Variants in DNA2 observed in about 807,000 individuals in gnomAD.
The protein encoded by DNA2 is DNA replication ATP-dependent helicase/nuclease DNA2.
Under a neutral mutation model 119.1 loss-of-function variants are expected in DNA2, and 101 were observed. The ratio of observed to expected loss-of-function variants is 0.85; its 90% CI spans 0.72 to 1.00. The LOEUF (loss-of-function observed/expected upper bound fraction) is 1.00, where lower values mean the gene tolerates loss of function less well. DNA2 is among the 50% of genes least tolerant of loss of function. The pLI, the probability that DNA2 is intolerant of heterozygous loss-of-function variation, is 0.00. For synonymous variants in DNA2, 366 were observed against 424.4 expected, an observed-to-expected ratio of 0.86 and a Z score of 1.69; for missense variants, 1,121 against 1,255.5, an observed-to-expected ratio of 0.89 and a Z score of 1.62.
chr10:68,445,454 A>C (rs2052026290), intron 7 of DNA2, among the ~76,000 whole-genome samples: 1 of 152,112 alleles, frequency 6.6e-6, no homozygotes, highest in Admixed American at 6.6e-5. Flanking sequence ...CAAGAGCGAA[A>C]CTCGGTCTCA....
chr10:68,467,589 C>T (rs1284704550), intron 3 of DNA2, among the ~76,000 whole-genome samples: 2 of 152,042 alleles, frequency 1.3e-5, no homozygotes, highest in South Asian at 4.1e-4. Flanking sequence ...CTTGCTCTGC[C>T]GCCCAGGCTA....
chr10:68,421,625 T>C (rs1465586488), intron 17 of DNA2, among the ~76,000 whole-genome samples: 1 of 150,642 alleles, frequency 6.6e-6, no homozygotes, highest in East Asian at 2.0e-4. Flanking sequence ...TGGTGGTGGG[T>C]GCCTGTAATC....
At chr10:68,422,487 C>T (rs370020989) in intron 16 of DNA2, 28 bp downstream of exon 16, 22 of 1,612,604 alleles carry the variant, frequency 1.4e-5, no homozygotes, top group Non-Finnish European at 1.9e-5. Context: ...ACATGAAAAC[C>T]ACTCCTAGCT....
At chr10:68,415,813 C>G (rs1263933146) in intron 20 of DNA2, among the ~76,000 whole-genome samples, 1 of 151,978 alleles carries the variant, frequency 6.6e-6, no homozygotes, top group Non-Finnish European at 1.5e-5. Flanking sequence ...GTCACCATGC[C>G]CAGCTAATTT....
At chr10:68,436,577 T>C (rs2051890787) in intron 10 of DNA2, among the ~76,000 whole-genome samples, 1 of 152,192 alleles carries the variant, frequency 6.6e-6, no homozygotes, top group Admixed American at 6.5e-5. Flanking sequence ...ATCAATTTTG[T>C]TATATGAATT....
Position 68,440,353 on chromosome 10 carries a change from A to T in DNA2, c.1415+2564T>A, listed in dbSNP as rs185354043. On this transcript the variant is annotated intron_variant, in intron 9 of 20. Coordinates refer to ENST00000358410, the MANE Select transcript of DNA2 (RefSeq NM_001080449.3). ...CTCTCTGTTGACTAGGCTGGAGTAT[A>T]GTGGCACAATCTTGGCTGACTGTAA... is the stretch of plus-strand genomic sequence containing the variant. Among the ~76,000 whole-genome samples the T allele has an allele frequency of 3.2e-4, 48 of 152,204 alleles. No individual in the cohort carries two copies. In the East Asian group the frequency reaches 8.5e-3, roughly 27 times the overall value.
In DNA2 at chr10:68,414,433, G is replaced by C. The variant is rs868451111; in HGVS notation, c.*606C>G. 1 of 152,214 alleles carries C rather than the reference G, an allele frequency of 6.6e-6. No individual in the cohort carries two copies. The highest frequency in any genetic ancestry group is 2.1e-4 in the South Asian group (1 of 4,818). 9.4% of individuals were successfully genotyped at this position (152,214 alleles called of 1,614,324 possible). A position where few individuals can be genotyped will look rare whatever the true frequency, so the allele number is the denominator to read the frequency against. ...GAAAACAAAATTTGTTGCAAAAGAT[G>C]ATGTAAGAATTATTTTCTTTTATAT... On this transcript the variant is annotated 3_prime_UTR_variant, in exon 21 of 21. Coordinates refer to ENST00000358410, the MANE Select transcript of DNA2 (RefSeq NM_001080449.3).
chr10:68,457,288 G>A (rs1047418501), intron 5 of DNA2, among the ~76,000 whole-genome samples: 5 of 152,120 alleles, frequency 3.3e-5, no homozygotes, highest in African/African-American at 1.2e-4. Flanking sequence ...ACACTAGTTC[G>A]CTGAGATACT....
chr10:68,453,525 G>C (rs953826652), intron 5 of DNA2, among the ~76,000 whole-genome samples: 1 of 152,076 alleles, frequency 6.6e-6, no homozygotes, highest in Non-Finnish European at 1.5e-5. Flanking sequence ...TATATATACA[G>C]TCATCCATTG....
chr10:68,422,578 A>G lies in DNA2; in HGVS notation c.2429T>C (p.Phe810Ser). The change falls in exon 16 of 21, where the codon TTC (phenylalanine) becomes TCC (serine). Residue 810 changes from phenylalanine to serine, a missense_variant. Transcript: ENST00000358410. Reference protein sequence around the residue: ...ARALGMSESLFKRLEQNKSAV... With the variant: ...ARALGMSESLSKRLEQNKSAV... ...ACTCTTATTCTGCTCCAGCCTCTTGAATAAGCTTTCACTCATGCCAAGAGC... is the reference window on the plus strand; with the variant it reads ...ACTCTTATTCTGCTCCAGCCTCTTGGATAAGCTTTCACTCATGCCAAGAGC... 1 of 1,614,034 alleles carries G rather than the reference A, an allele frequency of 6.2e-7. No individual in the cohort carries two copies. Among genetic ancestry groups the G allele is most frequent in the Non-Finnish European group, 8.5e-7 (1 of 1,179,892 alleles).
At chr10:68,418,968 C>A (rs150738138) in intron 19 of DNA2, 66 bp downstream of exon 19, 1 of 1,461,782 alleles carries the variant, frequency 6.8e-7, no homozygotes, top group Non-Finnish European at 9.2e-7. Context: ...CCACCGCGCC[C>A]GGCCCACAAT....
chr10:68,464,655 C>T (rs938472708), intron 4 of DNA2, among the ~76,000 whole-genome samples: 3 of 151,302 alleles, frequency 2.0e-5, no homozygotes, highest in African/African-American at 7.3e-5. Context: ...CATGGAGAAA[C>T]CCCGTCTCTA....
intron 2 of DNA2, among the ~76,000 whole-genome samples, chr10:68,469,570 C>A (rs1354137122): frequency 1.4e-4 from 21 of 152,126 alleles, no homozygotes. Context: ...TCAAGCAATT[C>A]TCCTGCCTCA....
intron 20 of DNA2, among the ~76,000 whole-genome samples, chr10:68,415,886 G>A (rs770982291): frequency 2.0e-5 from 3 of 151,742 alleles, no homozygotes; most frequent in Admixed American, 1.3e-4. Flanking sequence ...TCTCAACCTC[G>A]CAATCCACCT....
intron 19 of DNA2, among the ~76,000 whole-genome samples, chr10:68,418,058 T>C (rs2051615030): frequency 6.6e-6 from 1 of 152,158 alleles, no homozygotes; most frequent in Non-Finnish European, 1.5e-5. Context: ...ATGAAAAAGT[T>C]CCAGAGATCT....
chr10:68,457,117 G>A (rs551207823), intron 5 of DNA2, among the ~76,000 whole-genome samples: 1 of 149,622 alleles, frequency 6.7e-6, no homozygotes, highest in African/African-American at 2.5e-5. Flanking sequence ...CTGGGCAACA[G>A]AGCGAGACTC....
intron 9 of DNA2, 82 bp from the exon 10 acceptor site, chr10:68,437,323 T>C: frequency 1.7e-6 from 2 of 1,179,848 alleles, no homozygotes; most frequent in South Asian, 3.1e-5. Flanking sequence ...ACAACTTACT[T>C]GTTCATCTGA....
At chr10:68,460,221 C>A (rs574207342) in intron 4 of DNA2, among the ~76,000 whole-genome samples, 2 of 152,116 alleles carry the variant, frequency 1.3e-5, no homozygotes, top group Admixed American at 1.3e-4. Flanking sequence ...ATTCTCCCCA[C>A]TCAGCCTTCA....
At chr10:68,468,388 A>ACTC in intron 2 of DNA2, 82 bp from the exon 3 acceptor site, 1 of 914,656 alleles carries the variant, frequency 1.1e-6, no homozygotes, top group Non-Finnish European at 1.5e-6. Context: ...TCAAAAAAAT[A>ACTC]AATGAGTATT....
Sources: gnomAD v4.1 joint callset for allele counts (sites outside exome capture counted in the v4.1 genomes callset) on GRCh38, gnomAD v4.1.1 for gene constraint, MANE v1.5 for transcripts, NCBI Gene and HGNC (gene_info 2026-07-23, HGNC 2026-07-21) for gene names.